USP48: variants seen among roughly 807,000 people sequenced by gnomAD.
USP48 encodes the protein ubiquitin specific peptidase 48, also known as ubiquitin carboxyl-terminal hydrolase 48.
Under a neutral mutation model 150.7 loss-of-function variants are expected in USP48, and 43 were observed. The ratio of observed to expected loss-of-function variants is 0.29; its 90% confidence interval spans 0.22 to 0.37. The LOEUF is 0.37. Among genes scored for constraint, USP48 ranks in the 10% least tolerant of loss-of-function variants. The pLI, the probability that USP48 is intolerant of heterozygous loss-of-function variation, is 1.00. For missense variants in USP48, 813 were observed against 1,249.6 expected (o/e 0.65, Z 5.27); for synonymous variants, 396 against 425.9 (o/e 0.93, Z 0.86).
intron 22 of USP48, 52 bp downstream of exon 22, chr1:21,701,446 C>T (rs1215123132): frequency 3.5e-5 from 51 of 1,476,984 alleles, no homozygotes; most frequent in Non-Finnish European, 4.6e-5. Flanking sequence ...CGAGTGGCTG[C>T]TCTATAAGAA....
At chr1:21,728,380 G>T in intron 11 of USP48, 190 bp downstream of exon 11, 1 of 1,336,766 alleles carries the variant, frequency 7.5e-7, no homozygotes, top group Non-Finnish European at 9.6e-7. Flanking sequence ...GGAGTACAAC[G>T]TAATGAAATA....
intron 22 of USP48, 133 bp downstream of exon 22, chr1:21,701,365 C>CAA (rs35780642): frequency 0.018 from 7,242 of 406,706 alleles, no homozygotes; most frequent in South Asian, 0.022. Context: ...GACTCCATCT[C>CAA]AAAAAAAAAA....
At chr1:21,774,180 AAATAATAATAATAATAATAAT>A (rs57694769) in intron 1 of USP48, among the ~76,000 whole-genome samples, 5 of 141,204 alleles carry the variant, frequency 3.5e-5, no homozygotes, top group African/African-American at 2.7e-5. Context: ...CTCCGTCTCA[AAATAATAATAATAATAATAAT>A]AATAATAATA....
chr1:21,680,852 A>C lies in USP48; in HGVS notation c.3059-18T>G. 6.3e-7 allele frequency: 1 copy of C among 1,576,368 alleles called. No individual in the cohort carries two copies. Among genetic ancestry groups the C allele is most frequent in the East Asian group, 2.3e-5 (1 of 43,858 alleles). On this transcript the variant is annotated intron_variant, in intron 25 of 26. Coordinates refer to ENST00000308271, the MANE Select transcript of USP48 (RefSeq NM_032236.8). ...CATACAAACTGAAAAAAAGAAAAAA[A>C]GAAGAATTCCAAATTGAAAAGATTG...
intron 5 of USP48, among the ~76,000 whole-genome samples, chr1:21,752,078 T>C (rs1043301335): frequency 1.3e-5 from 2 of 152,032 alleles, no homozygotes; most frequent in Non-Finnish European, 2.9e-5. Flanking sequence ...AAACATTCGT[T>C]GGGAAACTTT....
At chr1:21,698,644 A>G (rs543915384) in intron 22 of USP48, among the ~76,000 whole-genome samples, 1 of 152,368 alleles carries the variant, frequency 6.6e-6, no homozygotes, top group African/African-American at 2.4e-5. Flanking sequence ...TTACAAAGTT[A>G]ACCAGAGAAC....
rs1319226704 is a variant in USP48, at chr1:21,743,380, G to A, written c.991+3687C>T. On this transcript the variant is annotated intron_variant, in intron 8 of 26. Transcript: ENST00000308271. ...TGTCCAAAGACATTGCAGGGTCTGG[G>A]AGGAACAAAGTATGATAAGGTTGTT... 2.0e-5 allele frequency among the ~76,000 whole-genome samples: 3 copies of A among 152,184 alleles called. No individual in the cohort carries two copies. The South Asian group carries it at 6.2e-4, about 32-fold the overall frequency.
At chr1:21,734,576 C>G (rs368219075) in intron 9 of USP48, among the ~76,000 whole-genome samples, 3 of 152,266 alleles carry the variant, frequency 2.0e-5, no homozygotes, top group South Asian at 4.1e-4. Context: ...ATGTCTCTGA[C>G]CTATTAAGAA....
intron 21 of USP48, 52 bp from the exon 22 acceptor site, chr1:21,701,654 G>A (rs764986182): frequency 3.3e-6 from 5 of 1,527,266 alleles, no homozygotes; most frequent in Non-Finnish European, 3.6e-6. Context: ...AGGAAGGCAG[G>A]CTATGGAGGA....
chr1:21,710,049 T>C (rs2097686261), intron 15 of USP48, among the ~76,000 whole-genome samples: 2 of 152,170 alleles, frequency 1.3e-5, no homozygotes, highest in South Asian at 4.1e-4. Context: ...ATATTGTCTA[T>C]GACCTCAAAA....
intron 4 of USP48, 120 bp downstream of exon 4, chr1:21,752,872 A>G (rs2097820171): frequency 1.5e-6 from 2 of 1,357,382 alleles, no homozygotes; most frequent in East Asian, 2.6e-5. Context: ...AAAGGTTTTC[A>G]TTCAAAATAG....
chr1:21,707,793 T>C (rs1161265206), intron 15 of USP48, among the ~76,000 whole-genome samples: 3 of 152,176 alleles, frequency 2.0e-5, no homozygotes, highest in African/African-American at 7.2e-5. Context: ...TACTACACTT[T>C]CCATAATAAA....
intron 14 of USP48, among the ~76,000 whole-genome samples, chr1:21,718,641 CTCCTCCTCCCGG>C (rs1468429937): frequency 6.6e-6 from 1 of 151,784 alleles, no homozygotes; most frequent in African/African-American, 2.4e-5. Flanking sequence ...TCACTGCAAC[CTCCTCCTCCCGG>C]ATTCAAATGA....
intron 1 of USP48, among the ~76,000 whole-genome samples, chr1:21,780,567 T>A (rs2097911748): frequency 6.6e-6 from 1 of 152,006 alleles, no homozygotes; most frequent in Non-Finnish European, 1.5e-5. Context: ...GGTATTTTTT[T>A]AATGAAATGA....
chr1:21,698,087 ATTT>A (rs2097642619), intron 22 of USP48, among the ~76,000 whole-genome samples: 1 of 152,148 alleles, frequency 6.6e-6, no homozygotes, highest in South Asian at 2.1e-4. Context: ...GAAATGCATC[ATTT>A]TTTATTACAG....
At chr1:21,701,647 A>T (rs965917735) in intron 21 of USP48, 45 bp from the exon 22 acceptor site, 1 of 1,565,766 alleles carries the variant, frequency 6.4e-7, no homozygotes, top group African/African-American at 1.4e-5. Context: ...AGACCCTAGG[A>T]AGGCAGGCTA....
chr1:21,780,738 ATTTTTTT>A (rs34071636), intron 1 of USP48, among the ~76,000 whole-genome samples: 24 of 117,452 alleles, frequency 2.0e-4, no homozygotes, highest in East Asian at 2.5e-4. Context: ...AGATAAGATA[ATTTTTTT>A]TTTTTTTTTT....
At chr1:21,736,329 G>T in intron 9 of USP48, 117 bp downstream of exon 9, 1 of 1,071,970 alleles carries the variant, frequency 9.3e-7, no homozygotes, top group Non-Finnish European at 1.3e-6. Context: ...TTTAAGAAAT[G>T]CAAATATCCT....
chr1:21,701,840 T>C (rs1038660935), intron 21 of USP48, among the ~76,000 whole-genome samples: 41 of 152,340 alleles, frequency 2.7e-4, no homozygotes, highest in African/African-American at 8.9e-4. Flanking sequence ...TCACCATACA[T>C]TTAAGAGGTC....
Sources: gnomAD v4.1 joint callset for allele counts (sites outside exome capture counted in the v4.1 genomes callset) on GRCh38, gnomAD v4.1.1 for gene constraint, MANE v1.5 for transcripts, NCBI Gene and HGNC (gene_info 2026-07-23, HGNC 2026-07-21) for gene names.